The following CD80 variants were observed in gnomAD, a reference collection of about 807,000 sequenced individuals.
CD80 encodes the protein T-lymphocyte activation antigen CD80.
CD80 carries 13 observed loss-of-function variants against 27.1 expected under a neutral mutation model. The ratio of observed to expected loss-of-function variants is 0.48; its 90% CI spans 0.31 to 0.76. The LOEUF is 0.76. Ranked by LOEUF, CD80 falls within the 30% of genes least tolerant of loss-of-function variation. The probability of loss-of-function intolerance (pLI) is 0.04; values close to 1 mark genes in which losing one functional copy is unlikely to be tolerated. For synonymous variants in CD80, 125 were observed against 125.5 expected (o/e 1.00, Z 0.03); for missense variants, 277 against 347.9 (o/e 0.80, Z 1.62).
Position 119,557,907 on chromosome 3 carries a change from G to A in CD80, c.-179C>T, listed in dbSNP as rs2082273103. 1 of 415,696 alleles carries A rather than the reference G, an allele frequency of 2.4e-6. No individual in the cohort carries two copies. The highest frequency in any genetic ancestry group is 3.6e-5 in the East Asian group (1 of 28,000). The allele number at this position is 415,696 out of a possible 1,614,324, so 25.8% of individuals were successfully genotyped here. ...GGAGGGTGTTCCTGGGTCTCCAAAGGTTGTGGATTTAGTTTCACAGCCTGA... is the reference window on the plus strand; with the variant it reads ...GGAGGGTGTTCCTGGGTCTCCAAAGATTGTGGATTTAGTTTCACAGCCTGA... On this transcript the variant is annotated 5_prime_UTR_variant, in exon 2 of 7. Coordinates refer to ENST00000264246, the MANE Select transcript of CD80 (RefSeq NM_005191.4).
chr3:119,536,026 C>T (rs1276624592), intron 4 of CD80, among the ~76,000 whole-genome samples: 8 of 151,880 alleles, frequency 5.3e-5, no homozygotes, highest in African/African-American at 9.7e-5. Flanking sequence ...CTGAGGCGGG[C>T]GGATCACGAG....
intron 4 of CD80, among the ~76,000 whole-genome samples, chr3:119,530,960 C>T (rs1346556592): frequency 6.6e-6 from 1 of 152,208 alleles, no homozygotes; most frequent in African/African-American, 2.4e-5. Context: ...GGGTAATATA[C>T]AGTACTCAAT....
intron 2 of CD80, among the ~76,000 whole-genome samples, chr3:119,557,018 T>G (rs2082268065): frequency 6.6e-6 from 1 of 152,168 alleles, no homozygotes; most frequent in Non-Finnish European, 1.5e-5. Flanking sequence ...TAAAAATAAC[T>G]AAAAACATAA....
At chr3:119,555,321 T>A (rs568761384) in intron 2 of CD80, among the ~76,000 whole-genome samples, 1 of 152,192 alleles carries the variant, frequency 6.6e-6, no homozygotes, top group East Asian at 1.9e-4. Context: ...TTCTATGGAT[T>A]TGGGCAAATT....
At chr3:119,553,522 C>T (rs1209093988) in intron 2 of CD80, among the ~76,000 whole-genome samples, 1 of 152,170 alleles carries the variant, frequency 6.6e-6, no homozygotes, top group African/African-American at 2.4e-5. Flanking sequence ...CTAGGAAGAC[C>T]TGAGTCTTCC....
At chr3:119,553,113 T>G (rs1011591432) in intron 2 of CD80, among the ~76,000 whole-genome samples, 2 of 113,190 alleles carry the variant, frequency 1.8e-5, no homozygotes, top group Non-Finnish European at 3.3e-5. Flanking sequence ...CTTTATTTAT[T>G]TATTTATTTA....
In CD80 at chr3:119,527,760, TGCGGACACTGTTATACAGG is replaced by T; in HGVS notation, c.859_*10del. On this transcript the variant is annotated stop_lost and 3_prime_UTR_variant, in exon 6 of 7. Coordinates refer to ENST00000264246, the MANE Select transcript of CD80 (RefSeq NM_005191.4). ...TCAGATCTTTTCAGCCCCTTGCTTC[TGCGGACACTGTTATACAGG>T]GCGTACACTTTCCCTTCTCAATCTC... 6.2e-7 allele frequency: 1 copy of T among 1,611,462 alleles called. No homozygotes were observed. The highest frequency in any genetic ancestry group is 8.5e-7 in the Non-Finnish European group (1 of 1,177,600).
intron 2 of CD80, 94 bp downstream of exon 2, chr3:119,557,535 A>G (rs2082271270): frequency 1.4e-6 from 1 of 733,172 alleles, no homozygotes; most frequent in African/African-American, 1.8e-5. Context: ...CTTCCAGCTT[A>G]TAGGATAATA....
chr3:119,531,788 C>T (rs928919622), intron 4 of CD80, among the ~76,000 whole-genome samples: 1 of 149,940 alleles, frequency 6.7e-6, no homozygotes, highest in Non-Finnish European at 1.5e-5. Context: ...CTCAGCCTCC[C>T]GAGTAGCTGG....
intron 2 of CD80, among the ~76,000 whole-genome samples, chr3:119,549,347 G>T (rs1225465239): frequency 1.3e-5 from 2 of 152,164 alleles, no homozygotes; most frequent in African/African-American, 2.4e-5. Context: ...TGTGTCAATA[G>T]CACCAAAATT....
chr3:119,548,597 C>G (rs2082213354), intron 2 of CD80, among the ~76,000 whole-genome samples: 1 of 152,192 alleles, frequency 6.6e-6, no homozygotes, highest in Non-Finnish European at 1.5e-5. Flanking sequence ...CAGTTTTACA[C>G]ATTTTTTTCT....
chr3:119,527,684 C>T (rs1283342934), intron 6 of CD80, 49 bp downstream of exon 6: 7 of 1,129,042 alleles, frequency 6.2e-6, no homozygotes, highest in Non-Finnish European at 9.3e-6. Context: ...GGAAGAATGC[C>T]TCATGATCCC....
intron 4 of CD80, 86 bp from the exon 5 acceptor site, chr3:119,530,023 T>A: frequency 1.1e-6 from 1 of 940,668 alleles, no homozygotes; most frequent in Admixed American, 2.0e-5. Context: ...GATGCAACTG[T>A]GGAGTATTCT....
intron 2 of CD80, among the ~76,000 whole-genome samples, chr3:119,552,769 G>A (rs990201446): frequency 6.6e-6 from 1 of 152,104 alleles, no homozygotes; most frequent in Non-Finnish European, 1.5e-5. Context: ...TACGCAACAT[G>A]GATGAACCTG....
intron 2 of CD80, 139 bp from the exon 3 acceptor site, chr3:119,545,006 G>GT: frequency 1.5e-6 from 1 of 672,008 alleles, no homozygotes; most frequent in Admixed American, 3.0e-5. Flanking sequence ...GATTTTTGGG[G>GT]TCCCCAATGC....
chr3:119,559,381 T>TTGC (rs1448276975), intron 1 of CD80, 59 bp downstream of exon 1: 1 of 152,184 alleles, frequency 6.6e-6, no homozygotes, highest in African/African-American at 2.4e-5. Flanking sequence ...AGCAGTGAGG[T>TTGC]TGCTGGTAAC....
intron 5 of CD80, among the ~76,000 whole-genome samples, chr3:119,528,110 AGT>A (rs2082088848): frequency 6.6e-6 from 1 of 152,190 alleles, no homozygotes; most frequent in Admixed American, 6.5e-5. Flanking sequence ...AACATCCTAC[AGT>A]GCACAGAACA....
chr3:119,551,587 T>C (rs890080369), intron 2 of CD80, among the ~76,000 whole-genome samples: 4 of 152,174 alleles, frequency 2.6e-5, no homozygotes, highest in African/African-American at 9.7e-5. Flanking sequence ...CCCTTGACCT[T>C]GGACTTCCCA....
At chr3:119,526,292 T>C (rs1390464415) in intron 6 of CD80, among the ~76,000 whole-genome samples, 2 of 152,156 alleles carry the variant, frequency 1.3e-5, no homozygotes, top group African/African-American at 4.8e-5. Context: ...CTAGACAAGA[T>C]GACCACAGAA....
Sources: allele counts gnomAD v4.1 joint callset (sites outside exome capture counted in the v4.1 genomes callset), GRCh38; gene constraint gnomAD v4.1.1; transcripts MANE v1.5; gene names NCBI Gene and HGNC (gene_info 2026-07-23, HGNC 2026-07-21).